Variants in CDK14 observed in about 807,000 individuals in gnomAD.
The protein encoded by CDK14 is cyclin-dependent kinase 14.
A neutral mutation model predicts 60.7 loss-of-function variants in CDK14; 34 were observed. The ratio of observed to expected loss-of-function variants is 0.56; its 90% CI spans 0.43 to 0.75. CDK14 has a LOEUF of 0.75. CDK14 is among the 30% of genes least tolerant of loss of function. The pLI, the probability that CDK14 is intolerant of heterozygous loss-of-function variation, is 0.00. For missense variants in CDK14, 482 were observed against 564.1 expected (o/e 0.85, Z 1.47); for synonymous variants, 197 against 203.7 (o/e 0.97, Z 0.28).
At chr7:90,848,152 A>C (rs1398852030) in intron 5 of CDK14, among the ~76,000 whole-genome samples, 3 of 152,064 alleles carry the variant, frequency 2.0e-5, no homozygotes, top group African/African-American at 7.2e-5. Context: ...CCCAGGCTGA[A>C]GTGCGGTGAC....
At chr7:90,939,658 T>G (rs1019950697) in intron 8 of CDK14, among the ~76,000 whole-genome samples, 1 of 152,354 alleles carries the variant, frequency 6.6e-6, no homozygotes, top group Admixed American at 6.5e-5. Flanking sequence ...GTTTTGAAAC[T>G]TTCATCATCT....
intron 12 of CDK14, among the ~76,000 whole-genome samples, chr7:91,081,666 G>C (rs1411221883): frequency 6.6e-6 from 1 of 152,066 alleles, no homozygotes; most frequent in Non-Finnish European, 1.5e-5. Context: ...TATAACAAAA[G>C]ACCCAGTTTA....
chr7:90,779,454 G>T (rs6963382), intron 4 of CDK14, among the ~76,000 whole-genome samples: 1 of 151,820 alleles, frequency 6.6e-6, no homozygotes, highest in Non-Finnish European at 1.5e-5. Flanking sequence ...GGATTTTGCT[G>T]TGTGGCCCAG....
In CDK14 at chr7:90,849,773, G is replaced by A. The variant is rs568147220; in HGVS notation, c.545-13402G>A. Among the ~76,000 whole-genome samples, 42 of 152,130 alleles carry A rather than the reference G, an allele frequency of 2.8e-4. 1 individual carries two copies. Among genetic ancestry groups the A allele is most frequent in the African/African-American group, 9.7e-4 (40 of 41,406 alleles). On this transcript the variant is annotated intron_variant, in intron 5 of 14. Coordinates refer to ENST00000380050, the MANE Select transcript of CDK14 (RefSeq NM_001287135.2). The stretch of plus-strand genomic sequence containing the variant: ...GACAAAGATTAAAAAATACTGCACA[G>A]GGTACTTAAACCAAGTCTGCGGGTT...
chr7:91,190,761 A>G (rs1802336077), intron 14 of CDK14, among the ~76,000 whole-genome samples: 1 of 151,384 alleles, frequency 6.6e-6, no homozygotes, highest in Non-Finnish European at 1.5e-5. Context: ...AAGTGCTAGG[A>G]ATACAGGCGT....
chr7:91,198,809 C>T (rs1802629963), intron 14 of CDK14, among the ~76,000 whole-genome samples: 1 of 152,204 alleles, frequency 6.6e-6, no homozygotes, highest in South Asian at 2.1e-4. Context: ...AAAACTGCTG[C>T]AATACATTGG....
chr7:91,137,974 A>G (rs1800337958), intron 14 of CDK14, among the ~76,000 whole-genome samples: 1 of 152,204 alleles, frequency 6.6e-6, no homozygotes, highest in Non-Finnish European at 1.5e-5. Flanking sequence ...TAATTATTGC[A>G]TGAACATGGC....
intron 5 of CDK14, among the ~76,000 whole-genome samples, chr7:90,856,527 A>G (rs556313245): frequency 6.6e-6 from 1 of 152,298 alleles, no homozygotes; most frequent in South Asian, 2.1e-4. Flanking sequence ...TTATAGAACC[A>G]TGAATGCACT....
At chr7:90,857,012 G>T (rs1047933568) in intron 5 of CDK14, among the ~76,000 whole-genome samples, 35 of 152,124 alleles carry the variant, frequency 2.3e-4, no homozygotes, top group Admixed American at 2.0e-3. Flanking sequence ...GATGGGCTGT[G>T]TGTCTTTGTA....
chr7:90,968,721 A>C (rs1230291380), intron 9 of CDK14, among the ~76,000 whole-genome samples: 1 of 152,116 alleles, frequency 6.6e-6, no homozygotes, highest in Non-Finnish European at 1.5e-5. Flanking sequence ...GAAATAAATA[A>C]ATTTCCATCT....
intron 14 of CDK14, among the ~76,000 whole-genome samples, chr7:91,138,638 G>T (rs1169288499): frequency 6.6e-6 from 1 of 152,052 alleles, no homozygotes; most frequent in Non-Finnish European, 1.5e-5. Flanking sequence ...TTTAAGTGGG[G>T]TAGAATTTTT....
At chr7:90,846,601 A>G (rs1213071738) in intron 5 of CDK14, among the ~76,000 whole-genome samples, 2 of 152,190 alleles carry the variant, frequency 1.3e-5, no homozygotes, top group African/African-American at 4.8e-5. Flanking sequence ...GGTAGTAAGA[A>G]CAAAAGGAAA....
intron 2 of CDK14, among the ~76,000 whole-genome samples, chr7:90,669,609 A>G (rs1046148662): frequency 2.0e-5 from 3 of 152,232 alleles, no homozygotes; most frequent in Middle Eastern, 3.2e-3. Flanking sequence ...AGATGGAGAG[A>G]GACAGATTCT....
chr7:91,144,977 A>G (rs1298120220), intron 14 of CDK14, among the ~76,000 whole-genome samples: 1 of 152,162 alleles, frequency 6.6e-6, no homozygotes, highest in Non-Finnish European at 1.5e-5. Flanking sequence ...AAGGATTTGA[A>G]CACTCAGATG....
intron 14 of CDK14, among the ~76,000 whole-genome samples, chr7:91,163,108 G>T (rs1801219947): frequency 6.6e-6 from 1 of 152,218 alleles, no homozygotes; most frequent in Admixed American, 6.5e-5. Flanking sequence ...GATGATGGGA[G>T]TTTCTCCCTG....
chr7:90,932,622 T>C (rs1487890068), intron 8 of CDK14, among the ~76,000 whole-genome samples: 3 of 152,240 alleles, frequency 2.0e-5, no homozygotes, highest in African/African-American at 7.2e-5. Flanking sequence ...GAAATGTTGG[T>C]ATATTAGCTG....
chr7:91,121,204 G>A lies in CDK14; in HGVS notation c.*28+2996G>A, dbSNP rs187441616. ...GTAATTTCTTAGACTTTGATTTTGC[G>A]TTGCTGTTGAATTCATTGACTGTTT... On this transcript the variant is annotated intron_variant, in intron 14 of 14. Transcript: ENST00000380050. Among the ~76,000 whole-genome samples the A allele has an allele frequency of 2.0e-3, 299 of 152,200 alleles. 1 individual carries two copies. Among genetic ancestry groups the A allele is most frequent in the African/African-American group, 6.5e-3 (271 of 41,534 alleles).
intron 10 of CDK14, among the ~76,000 whole-genome samples, chr7:91,040,109 C>A (rs1306759914): frequency 1.3e-5 from 2 of 152,066 alleles, no homozygotes; most frequent in Non-Finnish European, 2.9e-5. Context: ...TCCTTCTCAC[C>A]ATCACCCATG....
intron 4 of CDK14, among the ~76,000 whole-genome samples, chr7:90,758,232 CTCTG>C (rs1432632817): frequency 6.6e-6 from 1 of 152,036 alleles, no homozygotes; most frequent in Non-Finnish European, 1.5e-5. Flanking sequence ...CAGATTTCTT[CTCTG>C]TCTCTCTCTC....
Sources: gnomAD v4.1 joint callset for allele counts (sites outside exome capture counted in the v4.1 genomes callset) on GRCh38, gnomAD v4.1.1 for gene constraint, MANE v1.5 for transcripts, NCBI Gene and HGNC (gene_info 2026-07-23, HGNC 2026-07-21) for gene names.